OPCML: variants seen among roughly 807,000 people sequenced by gnomAD.
The protein encoded by OPCML is opioid-binding protein/cell adhesion molecule.
In OPCML, 13 loss-of-function variants were observed where a neutral mutation model predicts 37.8. The observed-to-expected ratio is 0.34, with a 90% confidence interval of 0.22 to 0.55. OPCML has a LOEUF of 0.55. OPCML is among the 20% of genes least tolerant of loss of function. The probability of loss-of-function intolerance (pLI) is 0.91; values close to 1 mark genes in which losing one functional copy is unlikely to be tolerated. For missense variants in OPCML, 341 were observed against 435.6 expected, an observed-to-expected ratio of 0.78 and a Z score of 1.93; for synonymous variants, 176 against 168.8, an observed-to-expected ratio of 1.04 and a Z score of -0.33.
intron 1 of OPCML, among the ~76,000 whole-genome samples, chr11:133,095,394 C>T (rs1243801588): frequency 1.4e-5 from 2 of 139,790 alleles, no homozygotes; most frequent in African/African-American, 2.7e-5. Flanking sequence ...GAGATAATCT[C>T]AGGTTTGAGT....
At chr11:133,254,501 T>C (rs1941248776) in intron 1 of OPCML, among the ~76,000 whole-genome samples, 1 of 152,214 alleles carries the variant, frequency 6.6e-6, no homozygotes, top group Non-Finnish European at 1.5e-5. Flanking sequence ...GCAAAAGATA[T>C]GCTCTGGAAA....
At chr11:133,002,260 A>C (rs538435723) in intron 1 of OPCML, among the ~76,000 whole-genome samples, 1 of 152,328 alleles carries the variant, frequency 6.6e-6, no homozygotes, top group African/African-American at 2.4e-5. Context: ...TGGCTAAGGA[A>C]GGTTCAACAG....
chr11:132,723,399 T>C (rs951869816), intron 2 of OPCML, among the ~76,000 whole-genome samples: 4 of 152,164 alleles, frequency 2.6e-5, no homozygotes, highest in African/African-American at 9.7e-5. Context: ...GGCTCTGCTA[T>C]TTCCCACCAC....
intron 1 of OPCML, among the ~76,000 whole-genome samples, chr11:133,476,081 C>G: frequency 6.6e-6 from 1 of 152,176 alleles, no homozygotes; most frequent in Admixed American, 6.5e-5. Context: ...TATATTCACA[C>G]AGCTGTCACC....
chr11:133,355,298 T>C (rs780911194), intron 1 of OPCML, among the ~76,000 whole-genome samples: 2 of 152,232 alleles, frequency 1.3e-5, no homozygotes, highest in African/African-American at 2.4e-5. Flanking sequence ...TAGCACTTCC[T>C]GTTTCTCAGT....
At chr11:132,548,515 A>G (rs968645966) in intron 3 of OPCML, among the ~76,000 whole-genome samples, 1 of 152,208 alleles carries the variant, frequency 6.6e-6, no homozygotes, top group Non-Finnish European at 1.5e-5. Context: ...AATGGCATTT[A>G]AAAGTTAGAT....
At chr11:133,292,809 A>G (rs1341297708) in intron 1 of OPCML, among the ~76,000 whole-genome samples, 1 of 151,792 alleles carries the variant, frequency 6.6e-6, no homozygotes, top group Non-Finnish European at 1.5e-5. Context: ...GCTAAATCTC[A>G]CTCCCTACCA....
chr11:132,510,040 C>T (rs1173826271), intron 4 of OPCML, among the ~76,000 whole-genome samples: 2 of 152,208 alleles, frequency 1.3e-5, no homozygotes, highest in Non-Finnish European at 2.9e-5. Flanking sequence ...GGCAGAGCTG[C>T]CCAAGACCAT....
rs200377254 is a variant in OPCML at position 132,622,145 on chromosome 11, T to TA, written c.379+34941dup. 0.022 allele frequency among the ~76,000 whole-genome samples: 3,120 copies of TA among 141,258 alleles called. 158 individuals carry two copies. In the East Asian group the frequency reaches 0.23, roughly 10 times the overall value. 92.7% of individuals were successfully genotyped at this position (141,258 alleles called of 152,430 possible). On this transcript the variant is annotated intron_variant, in intron 3 of 7. Transcript: ENST00000524381. Reference sequence around the variant, plus strand: ...GTTCCAAGAAGAATGATGAGAATAATAAAAAAAAAAAGTTGACTCACAAAG... The same window carrying TA: ...GTTCCAAGAAGAATGATGAGAATAATAAAAAAAAAAAAGTTGACTCACAAAG...
chr11:133,340,606 CTCTGTGTGTGTGTGTGTGTG>C (rs1446761042), intron 1 of OPCML, among the ~76,000 whole-genome samples: 2 of 109,288 alleles, frequency 1.8e-5, no homozygotes, highest in African/African-American at 7.9e-5. Flanking sequence ...TTAAGACTCT[CTCTGTGTGTGTGTGTGTGTG>C]TGTGTGTGTG....
Position 133,441,459 on chromosome 11 carries a change from G to T in OPCML, c.61+90805C>A, listed in dbSNP as rs185834026. 5.1e-3 allele frequency among the ~76,000 whole-genome samples: 771 copies of T among 152,204 alleles called. 8 individuals are homozygous for T. Among genetic ancestry groups the T allele is most frequent in the African/African-American group, 0.017 (717 of 41,536 alleles). ...TATAACTTCAAGTAAATATGGACAG[G>T]ATATACTATTTATATGACTGTTTCA... On this transcript the variant is annotated intron_variant, in intron 1 of 7. Transcript: ENST00000524381.
intron 1 of OPCML, among the ~76,000 whole-genome samples, chr11:133,044,912 G>C (rs1233984743): frequency 6.6e-6 from 1 of 152,136 alleles, no homozygotes; most frequent in Non-Finnish European, 1.5e-5. Flanking sequence ...TTCCAAATGA[G>C]GACACTAAAG....
chr11:133,476,464 A>G (rs891838213), intron 1 of OPCML, among the ~76,000 whole-genome samples: 1 of 152,104 alleles, frequency 6.6e-6, no homozygotes, highest in Admixed American at 6.5e-5. Context: ...GCTCAATTGC[A>G]CAGTTCAGAT....
intron 1 of OPCML, among the ~76,000 whole-genome samples, chr11:133,417,550 T>C (rs1223570020): frequency 6.6e-6 from 1 of 152,096 alleles, no homozygotes; most frequent in South Asian, 2.1e-4. Context: ...TTGTTACATA[T>C]GTATACATGT....
At chr11:133,200,642 A>G (rs1344749068) in intron 1 of OPCML, among the ~76,000 whole-genome samples, 1 of 152,216 alleles carries the variant, frequency 6.6e-6, no homozygotes, top group Admixed American at 6.5e-5. Flanking sequence ...GATATTTTTA[A>G]AACAAGTTAC....
Position 133,084,703 on chromosome 11 carries a change from T to C in OPCML, c.62-141693A>G, listed in dbSNP as rs1289197549. On this transcript the variant is annotated intron_variant, in intron 1 of 7. Coordinates refer to ENST00000524381, the MANE Select transcript of OPCML (RefSeq NM_001012393.5). ...AGCCCAGCTCTCTTGCTCAGCCTCA[T>C]GGGGTCTCCATGTCCTTCTGCACTG... is the stretch of plus-strand genomic sequence containing the variant. 2.0e-5 allele frequency among the ~76,000 whole-genome samples: 3 copies of C among 152,210 alleles called. No homozygotes were observed. In the East Asian group the frequency reaches 5.8e-4, roughly 29 times the overall value.
At chr11:133,102,290 T>G (rs917043274) in intron 1 of OPCML, among the ~76,000 whole-genome samples, 1 of 152,192 alleles carries the variant, frequency 6.6e-6, no homozygotes, top group Non-Finnish European at 1.5e-5. Flanking sequence ...TGCAGCAGAT[T>G]TGCAGCATGA....
chr11:133,015,111 A>T (rs1298540123), intron 1 of OPCML, among the ~76,000 whole-genome samples: 1 of 152,172 alleles, frequency 6.6e-6, no homozygotes, highest in Non-Finnish European at 1.5e-5. Context: ...AAACCTAAAC[A>T]ATATACAGGT....
At chr11:133,398,676 C>G (rs770490688) in intron 1 of OPCML, among the ~76,000 whole-genome samples, 9 of 151,872 alleles carry the variant, frequency 5.9e-5, no homozygotes, top group Admixed American at 2.0e-4. Flanking sequence ...TTAAAATGAC[C>G]TAAATATCTT....
Sources: allele counts gnomAD v4.1 joint callset (sites outside exome capture counted in the v4.1 genomes callset), GRCh38; gene constraint gnomAD v4.1.1; transcripts MANE v1.5; gene names NCBI Gene and HGNC (gene_info 2026-07-23, HGNC 2026-07-21).